NLRP10: variants seen among roughly 807,000 people sequenced by gnomAD.
NLRP10 encodes the protein NACHT, LRR and PYD domains-containing protein 10.
In NLRP10, 7 loss-of-function variants were observed where a neutral mutation model predicts 8.2. That is an observed-to-expected ratio of 0.85 (90% CI 0.48 to 1.60). The LOEUF (loss-of-function observed/expected upper bound fraction) is 1.60, where lower values mean the gene tolerates loss of function less well. Among genes scored for constraint, NLRP10 ranks in the 40% most tolerant of loss-of-function variants. NLRP10 has a pLI of 0.00. For missense variants in NLRP10, 814 were observed against 776.3 expected (o/e 1.05, Z -0.58); for synonymous variants, 338 against 314.0 (o/e 1.08, Z -0.81).
At chr11:7,963,796 C>CT (rs10684087) in intron 1 of NLRP10, 16 of 452,526 alleles carry the variant, frequency 3.5e-5, no homozygotes, top group Middle Eastern at 5.5e-4. Flanking sequence ...CTCTCTCTCT[C>CT]CCCCAAACTC....
At position 7,963,356 on chromosome 11, in the gene NLRP10, C is replaced by T. The variant is rs749736326; in HGVS notation, c.140G>A (p.Gly47Glu). Residue 47 changes from glycine (G) to glutamate (E), a missense_variant, in exon 2 of 3, where the codon GGG (glycine) becomes GAG (glutamate). Gly to Glu is a moderately conservative substitution (Grantham distance 98). Coordinates refer to ENST00000691676, the MANE Select transcript of NLRP10 (RefSeq NM_001391958.1). ...LSEGQPPLAR[G>E]ELEGLIPVDL... ...CACCGGAATCAGGCCCTCCAACTCC[C>T]CTCTGGCCAGTGGGGGCTGGCCCTC... The T allele has an allele frequency of 3.1e-6, 5 of 1,614,244 alleles. No individual in the cohort carries two copies. The South Asian group carries it at 3.3e-5, about 11-fold the overall frequency.
chr11:7,959,804 G>T lies in NLRP10; in HGVS notation c.1808C>A (p.Ser603Tyr). The change falls in exon 3 of 3, where the codon TCT becomes TAT. Residue 603 changes from serine to tyrosine, a missense_variant. Transcript: ENST00000691676. The stretch of plus-strand genomic sequence containing the variant: ...TCCATGACTCAAGCTGCTTTTGACA[G>T]AAAATAAATTCTGGCTCTGTGATTT... The part of the protein sequence containing the change: ...EKKSQSQNLF[S>Y]VKSSLSHGPK... 1 of 1,614,010 alleles carries T rather than the reference G, an allele frequency of 6.2e-7. No individual in the cohort carries two copies. The highest frequency in any genetic ancestry group is 8.5e-7 in the Non-Finnish European group (1 of 1,179,966).
rs1438946469 is a variant in NLRP10 at position 7,959,664 on chromosome 11, G to T, written c.1948C>A (p.Pro650Thr). The change falls in exon 3 of 3, where the codon CCA becomes ACA. Residue 650 changes from proline (P) to threonine (T), a missense_variant. Physicochemically the swap from Pro to Thr is conservative, Grantham distance 38 (BLOSUM62 -1). Coordinates refer to ENST00000691676, the MANE Select transcript of NLRP10 (RefSeq NM_001391958.1). ...TGKGRGTEET[P>T]KNTYI The stretch of plus-strand genomic sequence containing the variant: ...TAGGTTTATATGTAAGTATTTTTTG[G>T]TGTTTCCTCTGTCCCTCTGCCTTTT... 3.8e-6 allele frequency: 6 copies of T among 1,560,996 alleles called. No homozygotes were observed. The highest frequency in any genetic ancestry group is 2.1e-5 in the Admixed American group (1 of 47,130).
chr11:7,962,513 G>A (rs1176307228), intron 2 of NLRP10, among the ~76,000 whole-genome samples: 1 of 152,092 alleles, frequency 6.6e-6, no homozygotes, highest in Non-Finnish European at 1.5e-5. Flanking sequence ...TGGGATTACA[G>A]GCGTGAGCCA....
chr11:7,960,926 T>A lies in NLRP10; in HGVS notation c.686A>T (p.Asp229Val), dbSNP rs771532830. ...AATCTCTGTGACAGGGGCTTGATTG[T>A]CCCCGCAGCACCAGAAAAGGAGCTG... The part of the protein sequence containing the change: ...LEQLLFWCCG[D>V]NQAPVTEILR... The change falls in exon 3 of 3, where the codon GAC (aspartate) becomes GTC (valine). Residue 229 changes from aspartate to valine, a missense_variant. Coordinates refer to ENST00000691676, the MANE Select transcript of NLRP10 (RefSeq NM_001391958.1). 1.2e-6 allele frequency: 2 copies of A among 1,614,144 alleles called. No homozygotes were observed. Among genetic ancestry groups the A allele is most frequent in the South Asian group, 1.1e-5 (1 of 91,084 alleles).
rs779601331 is a variant in NLRP10, at chr11:7,963,441, C to A, written c.55G>T (p.Asp19Tyr). The change falls in exon 2 of 3, where the codon GAC (aspartate) becomes TAC (tyrosine). Residue 19 changes from aspartate (D) to tyrosine (Y), a missense_variant. Asp to Tyr is a radical substitution (Grantham distance 160, BLOSUM62 -3). Coordinates refer to ENST00000691676, the MANE Select transcript of NLRP10 (RefSeq NM_001391958.1). ...PREALLWALS[D>Y]LEENDFKKLK... ...TTCTTGAAATCGTTCTCCTCAAGGT[C>A]ACTCAAGGCCCAGAGCAATGCCTCC... The A allele has an allele frequency of 1.2e-6, 2 of 1,614,112 alleles. No individual in the cohort carries two copies. Among genetic ancestry groups the A allele is most frequent in the Non-Finnish European group, 1.7e-6 (2 of 1,180,004 alleles).
chr11:7,962,231 C>CTTTTTTTTTTTTTTTT (rs71452435), intron 2 of NLRP10, among the ~76,000 whole-genome samples: 731 of 66,992 alleles, frequency 0.011, 206 homozygotes, highest in South Asian at 0.022. Context: ...TAAGCCTGTT[C>CTTTTTTTTTTTTTTTT]TTTTTTTTTT....
chr11:7,962,505 G>A (rs976883780), intron 2 of NLRP10, among the ~76,000 whole-genome samples: 8 of 152,002 alleles, frequency 5.3e-5, no homozygotes, highest in African/African-American at 1.9e-4. Context: ...CAAAGTGCTG[G>A]GATTACAGGC....
chr11:7,960,931 G>T lies in NLRP10; in HGVS notation c.681C>A (p.Cys227Ter). 2 of 1,614,092 alleles carry T rather than the reference G, an allele frequency of 1.2e-6. No homozygotes were observed. Among genetic ancestry groups the T allele is most frequent in the Non-Finnish European group, 1.7e-6 (2 of 1,180,018 alleles). ...CTGTGACAGGGGCTTGATTGTCCCC[G>T]CAGCACCAGAAAAGGAGCTGCTCCA... is the stretch of plus-strand genomic sequence containing the variant. ...SKLEQLLFWC[C>*]GDNQAPVTEI... The change falls in exon 3 of 3, where the codon TGC (cysteine) becomes TGA (stop). Residue 227 changes from cysteine to a stop codon, truncating the protein, a stop_gained. Coordinates refer to ENST00000691676, the MANE Select transcript of NLRP10 (RefSeq NM_001391958.1). LOFTEE classifies it low-confidence loss of function (END_TRUNC).
In NLRP10 at chr11:7,960,980, A is replaced by G. The variant is rs1211664689; in HGVS notation, c.632T>C (p.Val211Ala). ...DYVFYVSCKEVVLLLESKLEQ... is the reference protein window; with the variant it reads ...DYVFYVSCKEAVLLLESKLEQ... Reference sequence around the variant, plus strand: ...CAGTTTGCTCTCCAGCAGCAGGACCACTTCTTTGCAGCTTACATAAAAGAC... The same window carrying G: ...CAGTTTGCTCTCCAGCAGCAGGACCGCTTCTTTGCAGCTTACATAAAAGAC... The change falls in exon 3 of 3, where the codon GTG (valine) becomes GCG (alanine). Residue 211 changes from valine (V) to alanine (A), a missense_variant. Transcript: ENST00000691676. 2 of 1,614,172 alleles carry G rather than the reference A, an allele frequency of 1.2e-6. No individual in the cohort carries two copies. The highest frequency in any genetic ancestry group is 2.2e-5 in the South Asian group (2 of 91,080).
intron 2 of NLRP10, among the ~76,000 whole-genome samples, chr11:7,961,870 G>A (rs1941737706): frequency 6.6e-6 from 1 of 152,190 alleles, no homozygotes; most frequent in Non-Finnish European, 1.5e-5. Flanking sequence ...AATGTTGGAG[G>A]CAGGGCCTAG....
rs116024859 is a variant in NLRP10, at chr11:7,963,160, G to A, written c.289+47C>T. ...CTCTGGAAATGCCATGGTGGGAGGG[G>A]AGTCCCAGTGCCATCCTGCCCTCCC... On this transcript the variant is annotated intron_variant, in intron 2 of 2. Coordinates refer to ENST00000691676, the MANE Select transcript of NLRP10 (RefSeq NM_001391958.1). The A allele has an allele frequency of 5.2e-4, 812 of 1,562,550 alleles. 2 individuals are homozygous for A. The African/African-American group carries it at 0.01, about 20-fold the overall frequency.
At chr11:7,964,812 G>A (rs1941793691) in intron 1 of NLRP10, among the ~76,000 whole-genome samples, 1 of 152,192 alleles carries the variant, frequency 6.6e-6, no homozygotes, top group South Asian at 2.1e-4. Context: ...TAGGCCAGGT[G>A]GCAGTCTTTG....
rs1437864119 is a variant in NLRP10, at chr11:7,965,313, T to G, written c.-113A>C. ...TCAGCTCCCTGATCCAGGAGCCCAGTAAGCAAAGCCTGGGGACTGAGACGA... is the reference window on the plus strand; with the variant it reads ...TCAGCTCCCTGATCCAGGAGCCCAGGAAGCAAAGCCTGGGGACTGAGACGA... On this transcript the variant is annotated 5_prime_UTR_variant, in exon 1 of 3. Transcript: ENST00000691676. The G allele has an allele frequency of 4.6e-5, 7 of 152,260 alleles. No individual in the cohort carries two copies. Among genetic ancestry groups the G allele is most frequent in the Non-Finnish European group, 1.0e-4 (7 of 68,082 alleles). The allele number at this position is 152,260 out of a possible 1,614,324, so 9.4% of individuals were successfully genotyped here.
At position 7,959,935 on chromosome 11, in the gene NLRP10, C is replaced by T. The variant is rs138475841; in HGVS notation, c.1677G>A (p.Arg559=). The change falls in exon 3 of 3, where the codon AGG becomes AGA. Residue 559 remains arginine (R), a synonymous_variant. Transcript: ENST00000691676. ...KEQMESMKHN[R]TWDLEFSLYE... ...ACAGGGAGAATTCCAAATCCCAGGT[C>T]CTGTTGTGCTTCATAGATTCCATCT... The T allele has an allele frequency of 5.9e-4, 945 of 1,614,124 alleles. 1 individual carries two copies. The highest frequency in any genetic ancestry group is 7.1e-4 in the Non-Finnish European group (837 of 1,180,020).
chr11:7,962,499 G>A (rs1037573106), intron 2 of NLRP10, among the ~76,000 whole-genome samples: 2 of 152,010 alleles, frequency 1.3e-5, no homozygotes, highest in Non-Finnish European at 2.9e-5. Flanking sequence ...GCCTCCCAAA[G>A]TGCTGGGATT....
Position 7,961,302 on chromosome 11 carries a change from C to G in NLRP10, c.310G>C (p.Glu104Gln). 14 of 1,578,484 alleles carry G rather than the reference C, an allele frequency of 8.9e-6. No homozygotes were observed. Among genetic ancestry groups the G allele is most frequent in the Non-Finnish European group, 1.2e-5 (14 of 1,160,666 alleles). Residue 104 changes from glutamate (E) to glutamine (Q), a missense_variant, in exon 3 of 3, where the codon GAG becomes CAG. Physicochemically the swap from Glu to Gln is conservative, Grantham distance 29. Coordinates refer to ENST00000691676, the MANE Select transcript of NLRP10 (RefSeq NM_001391958.1). ...CLHDYREVYR[E>Q]HVRCLEEWQE... ...CATTCCTCTAGGCAGCGCACATGCT[C>G]TCGGTATACTTCTCTGTAATCTGAG... is the stretch of plus-strand genomic sequence containing the variant.
chr11:7,958,483 G>A lies in NLRP10; in HGVS notation c.*1161C>T, dbSNP rs369024767. On this transcript the variant is annotated 3_prime_UTR_variant, in exon 3 of 3. Transcript: ENST00000691676. Reference sequence around the variant, plus strand: ...ATTCCCTAATGACATATGAAGTTGAGCGTCTTTTCAAATATTTATTTGCCA... The same window carrying A: ...ATTCCCTAATGACATATGAAGTTGAACGTCTTTTCAAATATTTATTTGCCA... 1.7e-4 allele frequency among the ~76,000 whole-genome samples: 26 copies of A among 152,218 alleles called. 2 individuals carry two copies. In the South Asian group the frequency reaches 5.2e-3, roughly 30 times the overall value.
chr11:7,959,101 G>A lies in NLRP10; in HGVS notation c.*543C>T, dbSNP rs1281389530. On this transcript the variant is annotated 3_prime_UTR_variant, in exon 3 of 3. Transcript: ENST00000691676. ...TATTATCTTCTAGCAGTTTATATTA[G>A]TACTTTTGTATTTTACATCTAGATT... is the stretch of plus-strand genomic sequence containing the variant. Among the ~76,000 whole-genome samples the A allele has an allele frequency of 6.6e-6, 1 of 152,022 alleles. No homozygotes were observed. Among genetic ancestry groups the A allele is most frequent in the Non-Finnish European group, 1.5e-5 (1 of 68,002 alleles).
Sources: gnomAD v4.1 joint callset for allele counts (sites outside exome capture counted in the v4.1 genomes callset) on GRCh38, gnomAD v4.1.1 for gene constraint, MANE v1.5 for transcripts, NCBI Gene and HGNC (gene_info 2026-07-23, HGNC 2026-07-21) for gene names.